The following TSPEAR variants were observed in gnomAD, a reference collection of about 807,000 sequenced individuals.
The protein encoded by TSPEAR is thrombospondin type laminin G domain and EAR repeats.
A neutral mutation model predicts 71.6 loss-of-function variants in TSPEAR; 69 were observed. The observed-to-expected ratio is 0.96, with a 90% CI of 0.79 to 1.18. The LOEUF is 1.18. Among genes scored for constraint, TSPEAR ranks in the 50% most tolerant of loss-of-function variants. The probability of loss-of-function intolerance (pLI) is 0.00; values close to 1 mark genes in which losing one functional copy is unlikely to be tolerated. For missense variants in TSPEAR, 971 were observed against 894.9 expected, an observed-to-expected ratio of 1.09 and a Z score of -1.09; for synonymous variants, 402 against 387.2, an observed-to-expected ratio of 1.04 and a Z score of -0.45.
intron 1 of TSPEAR, among the ~76,000 whole-genome samples, chr21:44,643,818 G>A (rs587642503): frequency 4.6e-5 from 7 of 152,356 alleles, no homozygotes; most frequent in African/African-American, 1.7e-4. Context: ...GACCAAGGCT[G>A]TGCGACAAAG....
At chr21:44,511,285 T>A (rs1254179766) in intron 9 of TSPEAR, among the ~76,000 whole-genome samples, 1 of 152,152 alleles carries the variant, frequency 6.6e-6, no homozygotes, top group Non-Finnish European at 1.5e-5. Flanking sequence ...TACACAAACA[T>A]GGATGTGCAC....
At chr21:44,647,358 G>A in intron 1 of TSPEAR, 1 of 1,612,708 alleles carries the variant, frequency 6.2e-7, no homozygotes, top group African/African-American at 1.3e-5. Context: ...GCTGCTGAGT[G>A]CTCAATCCTT....
At chr21:44,516,131 T>G (rs2052559986) in intron 9 of TSPEAR, 1 of 152,226 alleles carries the variant, frequency 6.6e-6, no homozygotes. Context: ...CAGCTGAGGA[T>G]GCGCAGCCAC....
intron 1 of TSPEAR, among the ~76,000 whole-genome samples, chr21:44,698,426 C>T (rs184621107): frequency 5.3e-5 from 8 of 152,332 alleles, no homozygotes; most frequent in Admixed American, 1.3e-4. Context: ...GCACTGGTGC[C>T]GTCCCCGCAG....
intron 1 of TSPEAR, among the ~76,000 whole-genome samples, chr21:44,684,597 C>G (rs5013901): frequency 0.63 from 96,105 of 151,616 alleles, 30,607 homozygotes; most frequent in South Asian, 0.72. Flanking sequence ...TGGGAGAAAT[C>G]CTCCCCTGCA....
chr21:44,613,194 G>T (rs1169147598), intron 1 of TSPEAR, among the ~76,000 whole-genome samples: 1 of 152,150 alleles, frequency 6.6e-6, no homozygotes, highest in East Asian at 1.9e-4. Context: ...AACTCTCCTT[G>T]GTCACCTGAT....
At chr21:44,598,748 A>G (rs1246173911) in intron 1 of TSPEAR, among the ~76,000 whole-genome samples, 5 of 152,118 alleles carry the variant, frequency 3.3e-5, no homozygotes, top group African/African-American at 1.2e-4. Flanking sequence ...GATTATAAAT[A>G]TAATAATATT....
intron 1 of TSPEAR, among the ~76,000 whole-genome samples, chr21:44,708,712 G>T (rs1407826401): frequency 6.6e-6 from 1 of 152,088 alleles, no homozygotes; most frequent in African/African-American, 2.4e-5. Context: ...CAGCCTTCCT[G>T]CAGTCCCCTC....
chr21:44,536,855 G>A (rs1311540811), intron 2 of TSPEAR, among the ~76,000 whole-genome samples: 2 of 152,092 alleles, frequency 1.3e-5, no homozygotes, highest in Non-Finnish European at 2.9e-5. Context: ...CTAAACATAT[G>A]GTTTGATATG....
rs2053320674 is a variant in TSPEAR, at chr21:44,547,528, G to T, written c.304-13605C>A. 1.3e-5 allele frequency among the ~76,000 whole-genome samples: 2 copies of T among 152,152 alleles called. 1 individual carries two copies. The highest frequency in any genetic ancestry group is 4.8e-5 in the African/African-American group (2 of 41,426). ...AGGTTCTCCTCCCTCTGTGCAGTTT[G>T]CTGTTGCTGATTGTTGTGGATTGTG... On this transcript the variant is annotated intron_variant, in intron 2 of 11. Coordinates refer to ENST00000323084, the MANE Select transcript of TSPEAR (RefSeq NM_144991.3).
At chr21:44,639,788 C>A (rs782679819) in intron 1 of TSPEAR, among the ~76,000 whole-genome samples, 1 of 152,134 alleles carries the variant, frequency 6.6e-6, no homozygotes, top group Non-Finnish European at 1.5e-5. Flanking sequence ...GGCTCTCTGA[C>A]CTCCTCCACA....
chr21:44,535,064 G>A (rs1433583520), intron 2 of TSPEAR, among the ~76,000 whole-genome samples: 3 of 152,238 alleles, frequency 2.0e-5, no homozygotes, highest in African/African-American at 4.8e-5. Context: ...GGTAGGTGCC[G>A]GGGCTGGGGG....
chr21:44,601,917 C>G (rs782704148), intron 1 of TSPEAR: 3 of 912,226 alleles, frequency 3.3e-6, no homozygotes, highest in Non-Finnish European at 4.9e-6. Context: ...CAAGTCTTGA[C>G]TTTCCCCCAA....
chr21:44,561,437 A>G (rs1261095659), intron 2 of TSPEAR, among the ~76,000 whole-genome samples: 1 of 152,204 alleles, frequency 6.6e-6, no homozygotes, highest in African/African-American at 2.4e-5. Context: ...TTCTGAAACT[A>G]TTCCAAACAA....
chr21:44,612,806 C>T lies in TSPEAR; in HGVS notation c.83-44801G>A. The T allele has an allele frequency of 6.2e-7, 1 of 1,613,494 alleles. No homozygotes were observed. Among genetic ancestry groups the T allele is most frequent in the Non-Finnish European group, 8.5e-7 (1 of 1,179,976 alleles). ...CTGTTGTGTCCCTGCCTCCTCCTGCCAGCCCAGCTGCTGCCACCCGGCCTC... is the reference window on the plus strand; with the variant it reads ...CTGTTGTGTCCCTGCCTCCTCCTGCTAGCCCAGCTGCTGCCACCCGGCCTC... On this transcript the variant is annotated intron_variant, in intron 1 of 11. Coordinates refer to ENST00000323084, the MANE Select transcript of TSPEAR (RefSeq NM_144991.3). This position sits in a 1 kb window ranked among gnomAD's most constrained non-coding sequence, Gnocchi z 4.1.
chr21:44,683,092 C>T (rs1986688414), intron 1 of TSPEAR, among the ~76,000 whole-genome samples: 1 of 152,064 alleles, frequency 6.6e-6, no homozygotes, highest in Admixed American at 6.5e-5. Context: ...GTAAGGACCA[C>T]AGACTACAGT....
intron 2 of TSPEAR, among the ~76,000 whole-genome samples, chr21:44,545,315 C>T (rs587605407): frequency 1.3e-5 from 2 of 148,548 alleles, no homozygotes; most frequent in South Asian, 4.2e-4. Flanking sequence ...AAGACTCTGT[C>T]TCAAAAAAAA....
chr21:44,656,416 T>C (rs1336374234), intron 1 of TSPEAR, among the ~76,000 whole-genome samples: 1 of 152,118 alleles, frequency 6.6e-6, no homozygotes, highest in Non-Finnish European at 1.5e-5. Context: ...TACCTCAACA[T>C]GTTTTGAAGG....
At chr21:44,540,099 G>T in intron 2 of TSPEAR, 1 of 1,613,812 alleles carries the variant, frequency 6.2e-7, no homozygotes, top group Non-Finnish European at 8.5e-7. Context: ...GCATCCACCT[G>T]CCAGGAGTCG....
Sources: gnomAD v4.1 joint callset for allele counts (sites outside exome capture counted in the v4.1 genomes callset) on GRCh38, gnomAD v4.1.1 for gene constraint, Gnocchi (gnomAD v3.1) non-coding constraint, MANE v1.5 for transcripts, NCBI Gene and HGNC (gene_info 2026-07-23, HGNC 2026-07-21) for gene names.